Variants in INPP5B observed in about 807,000 individuals in gnomAD.
The protein encoded by INPP5B is inositol polyphosphate-5-phosphatase B, also known as type II inositol 1,4,5-trisphosphate 5-phosphatase.
In INPP5B, 90 loss-of-function variants were observed where a neutral mutation model predicts 118.5. The ratio of observed to expected loss-of-function variants is 0.76; its 90% CI spans 0.64 to 0.90. INPP5B has a LOEUF of 0.90. INPP5B is among the 40% of genes least tolerant of loss of function. The pLI, the probability that INPP5B is intolerant of heterozygous loss-of-function variation, is 0.00. For missense variants in INPP5B, 984 were observed against 1,125.6 expected (o/e 0.87, Z 1.80); for synonymous variants, 385 against 418.9 (o/e 0.92, Z 0.99).
At chr1:37,933,947 ATTTT>A (rs1330693522) in intron 6 of INPP5B, among the ~76,000 whole-genome samples, 3 of 133,828 alleles carry the variant, frequency 2.2e-5, no homozygotes, top group Non-Finnish European at 4.9e-5. Flanking sequence ...TTATTTATTT[ATTTT>A]GGGACAAACT....
At chr1:37,925,532 C>T (rs151041382) in intron 7 of INPP5B, among the ~76,000 whole-genome samples, 77 of 152,258 alleles carry the variant, frequency 5.1e-4, no homozygotes, top group African/African-American at 1.8e-3. Context: ...ACCACTGTGC[C>T]GGGCTAACAG....
At chr1:37,887,108 T>G in intron 11 of INPP5B, 104 bp from the exon 12 acceptor site, 2 of 907,110 alleles carry the variant, frequency 2.2e-6, no homozygotes, top group South Asian at 3.0e-5. Context: ...CGTGTCTCCT[T>G]CTCCACACTA....
At chr1:37,895,109 T>A (rs1051196515) in intron 7 of INPP5B, among the ~76,000 whole-genome samples, 2 of 152,284 alleles carry the variant, frequency 1.3e-5, no homozygotes, top group South Asian at 4.1e-4. Flanking sequence ...TTTGAGTTAG[T>A]AATGGTGTAT....
chr1:37,894,997 T>C (rs1023254517), intron 7 of INPP5B, among the ~76,000 whole-genome samples: 2 of 152,206 alleles, frequency 1.3e-5, no homozygotes, highest in Non-Finnish European at 1.5e-5. Context: ...TACTAACCCA[T>C]AGTTACTTAA....
chr1:37,902,919 G>C (rs978768209), intron 7 of INPP5B, among the ~76,000 whole-genome samples: 11 of 151,910 alleles, frequency 7.2e-5, no homozygotes, highest in African/African-American at 2.7e-4. Context: ...GGAGCTCGAG[G>C]CTGCAGTGAG....
intron 20 of INPP5B, 88 bp downstream of exon 20, chr1:37,868,413 C>T: frequency 1.3e-6 from 1 of 784,230 alleles, no homozygotes; most frequent in Non-Finnish European, 2.3e-6. Context: ...CAGTTCTCCA[C>T]AGTTTCCTTA....
At chr1:37,945,880 C>T (rs1027732198) in intron 2 of INPP5B, 30 bp from the exon 3 acceptor site, 2 of 1,603,742 alleles carry the variant, frequency 1.2e-6, no homozygotes, top group Non-Finnish European at 8.5e-7. Flanking sequence ...GAAGACAACC[C>T]AGAGGCGAGG....
intron 6 of INPP5B, among the ~76,000 whole-genome samples, chr1:37,936,899 G>A (rs887352935): frequency 6.6e-6 from 1 of 151,810 alleles, no homozygotes; most frequent in African/African-American, 2.4e-5. Context: ...GCCTAATCCT[G>A]GCGCTATCGT....
At position 37,931,933 on chromosome 1, in the gene INPP5B, C is replaced by T. The variant is rs1428221181; in HGVS notation, c.512G>A (p.Gly171Glu). 1 of 1,614,046 alleles carries T rather than the reference C, an allele frequency of 6.2e-7. No homozygotes were observed. Among genetic ancestry groups the T allele is most frequent in the Non-Finnish European group, 8.5e-7 (1 of 1,180,028 alleles). The part of the protein sequence containing the change: ...GCNSALVTWP[G>E]YATIGGGGSN... Reference sequence around the variant, plus strand: ...CCTGCCTCCGCCAATTGTCGCGTACCCTGGCCAGGTAACTAGGGCCGAGTT... The same window carrying T: ...CCTGCCTCCGCCAATTGTCGCGTACTCTGGCCAGGTAACTAGGGCCGAGTT... Residue 171 changes from glycine (G) to glutamate (E), a missense_variant, in exon 7 of 24, where the codon GGG becomes GAG. By Grantham distance (98) the Gly-to-Glu change is moderately conservative (BLOSUM62 -2). This residue lies in a region of INPP5B where 350 missense variants were observed against 334.6 expected (regional missense o/e 1.05). Coordinates refer to ENST00000373024, the MANE Select transcript of INPP5B (RefSeq NM_005540.3).
chr1:37,862,301 G>A lies in INPP5B; in HGVS notation c.*14C>T, dbSNP rs369917721. Reference sequence around the variant, plus strand: ...TAATTGGCAGCCTCAAGTAAAATAGGAGGAGAGAGAGGCTCAGAGTGGGTT... The same window carrying A: ...TAATTGGCAGCCTCAAGTAAAATAGAAGGAGAGAGAGGCTCAGAGTGGGTT... On this transcript the variant is annotated 3_prime_UTR_variant, in exon 24 of 24. Coordinates refer to ENST00000373024, the MANE Select transcript of INPP5B (RefSeq NM_005540.3). 42 of 1,552,714 alleles carry A rather than the reference G, an allele frequency of 2.7e-5. No homozygotes were observed. Among genetic ancestry groups the A allele is most frequent in the Non-Finnish European group, 3.6e-6 (4 of 1,125,058 alleles).
At chr1:37,864,290 C>G (rs368353889) in intron 23 of INPP5B, 22 bp downstream of exon 23, 532 of 1,349,338 alleles carry the variant, frequency 3.9e-4, no homozygotes, top group Admixed American at 1.9e-3. Flanking sequence ...GAAATGCTTT[C>G]CATAGACATT....
Position 37,891,428 on chromosome 1 carries a change from G to C in INPP5B, c.559C>G (p.Pro187Ala). 2 of 1,613,758 alleles carry C rather than the reference G, an allele frequency of 1.2e-6. No homozygotes were observed. Among genetic ancestry groups the C allele is most frequent in the South Asian group, 2.2e-5 (2 of 91,054 alleles). The part of the protein sequence containing the change: ...GGGSNFDGLR[P>A]NGKGVPMDQS... ...TCCATAGGCACTCCCTTCCCATTTG[G>C]TCTCAAACCATCAAAGTTAGAACCA... The change falls in exon 8 of 24, where the codon CCA becomes GCA. Residue 187 changes from proline (P) to alanine (A), a missense_variant. Physicochemically the swap from Pro to Ala is conservative, Grantham distance 27 (BLOSUM62 -1). This residue lies in a region of INPP5B where 350 missense variants were observed against 334.6 expected (regional missense o/e 1.05). Transcript: ENST00000373024.
intron 7 of INPP5B, among the ~76,000 whole-genome samples, chr1:37,901,733 G>T (rs1344551233): frequency 6.6e-6 from 1 of 152,076 alleles, no homozygotes; most frequent in African/African-American, 2.4e-5. Flanking sequence ...CGGTCTTCTC[G>T]GAATCTCCTC....
intron 1 of INPP5B, 107 bp from the exon 2 acceptor site, chr1:37,946,441 G>C: frequency 1.3e-6 from 1 of 742,424 alleles, no homozygotes; most frequent in Non-Finnish European, 2.3e-6. Context: ...TTTGCAGAGG[G>C]AGATGGTACC....
intron 16 of INPP5B, 93 bp from the exon 17 acceptor site, chr1:37,875,809 G>A (rs1642764162): frequency 7.6e-6 from 6 of 794,204 alleles, no homozygotes; most frequent in Non-Finnish European, 1.3e-5. Flanking sequence ...GGAAATAGCA[G>A]TTGATAGCAA....
In INPP5B at chr1:37,865,866, G is replaced by A. The variant is rs376296305; in HGVS notation, c.2409C>T (p.Ala803=). ...DNLSASNHSV[A]EALLLFLESL... ...TCTCCAGGAAAAGCAGCAGGGCTTC[G>A]GCTACAGAATGATTGCTGGCAGCTT... The change falls in exon 22 of 24, where the codon GCC becomes GCT. Residue 803 remains alanine (A), a synonymous_variant. Coordinates refer to ENST00000373024, the MANE Select transcript of INPP5B (RefSeq NM_005540.3). 17 of 1,613,354 alleles carry A rather than the reference G, an allele frequency of 1.1e-5. No individual in the cohort carries two copies. The highest frequency in any genetic ancestry group is 6.7e-5 in the Admixed American group (4 of 59,978).
Position 37,917,622 on chromosome 1 carries a change from C to A in INPP5B, c.532+14291G>T, listed in dbSNP as rs1042166247. 4.0e-5 allele frequency among the ~76,000 whole-genome samples: 6 copies of A among 151,612 alleles called. No homozygotes were observed. The South Asian group carries it at 1.2e-3, about 32-fold the overall frequency. On this transcript the variant is annotated intron_variant, in intron 7 of 23. Transcript: ENST00000373024. ...TACAGGCATGAGCCACTGTGCCCAG[C>A]CAAAAAACTGAAGTTTTTAATTTGA...
At chr1:37,912,156 C>T (rs568616387) in intron 7 of INPP5B, among the ~76,000 whole-genome samples, 7 of 152,170 alleles carry the variant, frequency 4.6e-5, no homozygotes, top group Non-Finnish European at 1.0e-4. Flanking sequence ...TATGAAGACA[C>T]CCTAGCTGGA....
chr1:37,912,157 C>A (rs1644722094), intron 7 of INPP5B, among the ~76,000 whole-genome samples: 1 of 152,126 alleles, frequency 6.6e-6, no homozygotes, highest in South Asian at 2.1e-4. Context: ...ATGAAGACAC[C>A]CTAGCTGGAT....
Sources: allele counts gnomAD v4.1 joint callset (sites outside exome capture counted in the v4.1 genomes callset), GRCh38; gene constraint gnomAD v4.1.1; regional missense constraint gnomAD v4.1.1; transcripts MANE v1.5; gene names NCBI Gene and HGNC (gene_info 2026-07-23, HGNC 2026-07-21).